The following CTNNA3 variants were observed in gnomAD, a reference collection of about 807,000 sequenced individuals.
CTNNA3 encodes catenin alpha 3.
CTNNA3 carries 76 observed loss-of-function variants against 95.7 expected under a neutral mutation model. The observed-to-expected ratio is 0.79, with a 90% CI of 0.66 to 0.96. CTNNA3 has a LOEUF of 0.96. Among genes scored for constraint, CTNNA3 ranks in the 40% least tolerant of loss-of-function variants. The pLI, the probability that CTNNA3 is intolerant of heterozygous loss-of-function variation, is 0.00. For missense variants in CTNNA3, 1,191 were observed against 1,089.8 expected, an observed-to-expected ratio of 1.09 and a Z score of -1.31; for synonymous variants, 431 against 374.4, an observed-to-expected ratio of 1.15 and a Z score of -1.74.
chr10:66,433,470 C>G (rs1410528005), intron 11 of CTNNA3, among the ~76,000 whole-genome samples: 3 of 152,090 alleles, frequency 2.0e-5, no homozygotes, highest in Non-Finnish European at 4.4e-5. Flanking sequence ...TGTTCATATC[C>G]TTTGCCCACT....
chr10:67,698,255 G>C (rs1185515973), upstream of CTNNA3, among the ~76,000 whole-genome samples: 1 of 151,692 alleles, frequency 6.6e-6, no homozygotes, highest in African/African-American at 2.4e-5. Context: ...AAAAAAGAGA[G>C]AAAAAAGAGA....
intron 11 of CTNNA3, among the ~76,000 whole-genome samples, chr10:66,409,402 CAAAA>C (rs71957917): frequency 2.5e-4 from 34 of 138,342 alleles, no homozygotes; most frequent in African/African-American, 8.1e-4. Flanking sequence ...TAACTGTTCC[CAAAA>C]AAAAAAAATG....
intron 5 of CTNNA3, among the ~76,000 whole-genome samples, chr10:67,312,712 T>C (rs1471029012): frequency 6.6e-6 from 1 of 152,168 alleles, no homozygotes; most frequent in Non-Finnish European, 1.5e-5. Flanking sequence ...ACCGTAACAA[T>C]TTTCTAGGAT....
chr10:67,392,095 A>T (rs1207219989), intron 5 of CTNNA3, among the ~76,000 whole-genome samples: 1 of 152,202 alleles, frequency 6.6e-6, no homozygotes, highest in African/African-American at 2.4e-5. Context: ...CAGCAAAACA[A>T]ACTACCATCA....
At chr10:66,638,638 A>G (rs957999576) in intron 9 of CTNNA3, among the ~76,000 whole-genome samples, 3 of 152,006 alleles carry the variant, frequency 2.0e-5, no homozygotes, top group East Asian at 1.9e-4. Context: ...CAAGGCCCAC[A>G]CCATCATCTT....
At chr10:66,846,332 A>C (rs554033836) in intron 7 of CTNNA3, among the ~76,000 whole-genome samples, 5 of 152,278 alleles carry the variant, frequency 3.3e-5, no homozygotes, top group Non-Finnish European at 4.4e-5. Context: ...ACAGTTGCTT[A>C]TCAATGGGCA....
intron 1 of CTNNA3, among the ~76,000 whole-genome samples, chr10:67,760,629 G>C (rs1374332695): frequency 8.6e-6 from 1 of 116,112 alleles, no homozygotes; most frequent in African/African-American, 2.5e-5. Flanking sequence ...ACAGCAGGAG[G>C]TGAGCGGGTG....
At chr10:65,955,526 G>T (rs916632200) in intron 17 of CTNNA3, among the ~76,000 whole-genome samples, 10 of 152,154 alleles carry the variant, frequency 6.6e-5, no homozygotes, top group Admixed American at 3.3e-4. Context: ...CTGAGGGTTT[G>T]TCATAAATAG....
intron 7 of CTNNA3, among the ~76,000 whole-genome samples, chr10:67,128,224 A>C (rs2132011605): frequency 6.6e-6 from 1 of 152,316 alleles, no homozygotes. Flanking sequence ...ATTTTAGATA[A>C]GATTAACATT....
At chr10:66,197,596 G>A (rs958450529) in intron 13 of CTNNA3, among the ~76,000 whole-genome samples, 1 of 152,114 alleles carries the variant, frequency 6.6e-6, no homozygotes, top group African/African-American at 2.4e-5. Context: ...CCATTAATTA[G>A]TAATATAAAT....
chr10:66,330,264 C>T (rs910546754), intron 12 of CTNNA3, among the ~76,000 whole-genome samples: 10 of 151,410 alleles, frequency 6.6e-5, no homozygotes, highest in African/African-American at 2.4e-4. Context: ...GTTCCCCTTC[C>T]TGTGTCCCTG....
chr10:66,844,906 A>G (rs545350337), intron 7 of CTNNA3, among the ~76,000 whole-genome samples: 7 of 152,130 alleles, frequency 4.6e-5, no homozygotes, highest in Middle Eastern at 3.4e-3. Flanking sequence ...TTTCATTTAT[A>G]ATAAACCTGG....
chr10:66,045,194 G>A (rs377732121), intron 15 of CTNNA3, among the ~76,000 whole-genome samples: 1 of 152,150 alleles, frequency 6.6e-6, no homozygotes, highest in South Asian at 2.1e-4. Flanking sequence ...ATCACAATTA[G>A]AGCAGATTTT....
intron 13 of CTNNA3, among the ~76,000 whole-genome samples, chr10:66,113,928 T>C (rs1315573136): frequency 6.6e-6 from 1 of 151,754 alleles, no homozygotes; most frequent in Non-Finnish European, 1.5e-5. Context: ...TCTTGATCTA[T>C]GGGGGGAGGT....
intron 11 of CTNNA3, among the ~76,000 whole-genome samples, chr10:66,431,287 T>C (rs12246960): frequency 0.38 from 58,047 of 151,900 alleles, 11,651 homozygotes; most frequent in African/African-American, 0.5. Context: ...AACACTTTTA[T>C]ACTGTTGGTG....
intron 9 of CTNNA3, among the ~76,000 whole-genome samples, chr10:66,632,022 A>G (rs1845153947): frequency 1.3e-5 from 2 of 152,094 alleles, no homozygotes; most frequent in South Asian, 4.1e-4. Context: ...AAATAAGCAC[A>G]ATTATAGATA....
At chr10:66,486,569 C>T (rs573662150) in intron 11 of CTNNA3, among the ~76,000 whole-genome samples, 2 of 152,202 alleles carry the variant, frequency 1.3e-5, no homozygotes, top group African/African-American at 2.4e-5. Context: ...CATGGAAAAA[C>T]GGGAAGCTTT....
intron 13 of CTNNA3, among the ~76,000 whole-genome samples, chr10:66,222,271 C>T (rs530993423): frequency 2.2e-4 from 33 of 152,056 alleles, no homozygotes; most frequent in African/African-American, 2.9e-4. Flanking sequence ...AAATGACACC[C>T]ACCCCTACAC....
At chr10:66,915,150 G>A (rs114571133) in intron 7 of CTNNA3, among the ~76,000 whole-genome samples, 1,644 of 148,642 alleles carry the variant, frequency 0.011, 29 homozygotes, top group African/African-American at 0.039. Context: ...TGAAGGACAC[G>A]TCTCCATATT....
Sources: allele counts gnomAD v4.1 joint callset (sites outside exome capture counted in the v4.1 genomes callset), GRCh38; gene constraint gnomAD v4.1.1; transcripts MANE v1.5; gene names NCBI Gene and HGNC (gene_info 2026-07-23, HGNC 2026-07-21).